GALK2: variants seen among roughly 807,000 people sequenced by gnomAD.
GALK2 encodes N-acetylgalactosamine kinase.
GALK2 carries 36 observed loss-of-function variants against 52.4 expected under a neutral mutation model. The ratio of observed to expected loss-of-function variants is 0.69; its 90% CI spans 0.53 to 0.91. GALK2 has a LOEUF of 0.91. GALK2 is among the 40% of genes least tolerant of loss of function. The pLI is 0.00. For missense variants in GALK2, 579 were observed against 559.1 expected, an observed-to-expected ratio of 1.04 and a Z score of -0.36; for synonymous variants, 176 against 199.1, an observed-to-expected ratio of 0.88 and a Z score of 0.98.
intron 5 of GALK2, among the ~76,000 whole-genome samples, chr15:49,261,725 AT>A (rs2092119534): frequency 6.6e-6 from 1 of 151,988 alleles, no homozygotes; most frequent in Admixed American, 6.6e-5. Flanking sequence ...AGCTCTTATT[AT>A]TTTGAAATAC....
chr15:49,268,885 A>C (rs1821038086), intron 5 of GALK2, among the ~76,000 whole-genome samples: 1 of 152,204 alleles, frequency 6.6e-6, no homozygotes, highest in African/African-American at 2.4e-5. Context: ...CCCTTCTACC[A>C]ATAGTGTGCT....
intron 1 of GALK2, among the ~76,000 whole-genome samples, chr15:49,198,728 G>T (rs977201558): frequency 6.6e-6 from 1 of 150,898 alleles, no homozygotes; most frequent in Non-Finnish European, 1.5e-5. Context: ...TTTTTAATAG[G>T]TGGACTTTTT....
At chr15:49,338,995 T>A (rs2040247549) in intron 3 of GALK2, among the ~76,000 whole-genome samples, 1 of 152,208 alleles carries the variant, frequency 6.6e-6, no homozygotes, top group Non-Finnish European at 1.5e-5. Flanking sequence ...CTTATGTTCT[T>A]CTCTAAACTG....
chr15:49,314,550 T>A (rs1342046337), intron 8 of GALK2, among the ~76,000 whole-genome samples: 1 of 152,242 alleles, frequency 6.6e-6, no homozygotes, highest in Non-Finnish European at 1.5e-5. Context: ...AGTGCAGTTT[T>A]GTTACAAGGA....
intron 7 of GALK2, among the ~76,000 whole-genome samples, chr15:49,286,035 C>G (rs935259302): frequency 6.6e-6 from 1 of 152,166 alleles, no homozygotes; most frequent in Non-Finnish European, 1.5e-5. Context: ...TCCTTCAGCC[C>G]TCTTTGAAGT....
At chr15:49,226,897 C>T (rs1379677887) in intron 3 of GALK2, among the ~76,000 whole-genome samples, 1 of 152,100 alleles carries the variant, frequency 6.6e-6, no homozygotes, top group East Asian at 1.9e-4. Context: ...ATCACAAGTT[C>T]CTCTTTTTAT....
Position 49,331,630 on chromosome 15 carries a change from G to A in GALK2, c.*3471G>A, listed in dbSNP as rs2038770424. 1 of 586,904 alleles carries A rather than the reference G, an allele frequency of 1.7e-6. No homozygotes were observed. The highest frequency in any genetic ancestry group is 3.0e-6 in the Non-Finnish European group (1 of 329,030). 36.4% of individuals were successfully genotyped at this position (586,904 alleles called of 1,614,324 possible). A position where few individuals can be genotyped will look rare whatever the true frequency, so the allele number is the denominator to read the frequency against. Reference sequence around the variant, plus strand: ...ATATGTAAAACAGATTTTCTTACATGTGCATGTAGATGATTAAGTAACAAG... The same window carrying A: ...ATATGTAAAACAGATTTTCTTACATATGCATGTAGATGATTAAGTAACAAG... On this transcript the variant is annotated 3_prime_UTR_variant, in exon 10 of 10. Transcript: ENST00000560031.
intron 9 of GALK2, among the ~76,000 whole-genome samples, chr15:49,324,211 T>A: frequency 6.6e-6 from 1 of 152,142 alleles, no homozygotes. Flanking sequence ...TTTTAGTGGA[T>A]CAACTATGAT....
Position 49,331,704 on chromosome 15 carries a change from C to A in GALK2, c.*3545C>A. 3.3e-6 allele frequency: 3 copies of A among 919,806 alleles called. No individual in the cohort carries two copies. Among genetic ancestry groups the A allele is most frequent in the Non-Finnish European group, 1.8e-6 (1 of 558,194 alleles). 57.0% of individuals were successfully genotyped at this position (919,806 alleles called of 1,614,324 possible). A position where few individuals can be genotyped will look rare whatever the true frequency, so the allele number is the denominator to read the frequency against. ...AATTTGGGTGTGCCACCATACATTGCTTATGAAATATTGTCCAGTCTATAT... is the reference window on the plus strand; with the variant it reads ...AATTTGGGTGTGCCACCATACATTGATTATGAAATATTGTCCAGTCTATAT... On this transcript the variant is annotated 3_prime_UTR_variant, in exon 10 of 10. Coordinates refer to ENST00000560031, the MANE Select transcript of GALK2 (RefSeq NM_002044.4).
exon 1 of GALK2, chr15:49,155,828 T>C: frequency 1.3e-6 from 1 of 761,594 alleles, no homozygotes; most frequent in Admixed American, 2.5e-5. Flanking sequence ...CGTCCGGTGC[T>C]GCAGGTCTCA....
intron 5 of GALK2, among the ~76,000 whole-genome samples, chr15:49,280,303 A>G (rs2032501049): frequency 1.3e-5 from 2 of 152,222 alleles, no homozygotes; most frequent in South Asian, 4.1e-4. Context: ...GTATGTATGC[A>G]TATGGGTGGT....
At chr15:49,199,935 T>G (rs1159165883) in intron 1 of GALK2, among the ~76,000 whole-genome samples, 1 of 152,236 alleles carries the variant, frequency 6.6e-6, no homozygotes, top group African/African-American at 2.4e-5. Flanking sequence ...AGAGACGAGC[T>G]TGAATAACTT....
At chr15:49,335,499 G>T, downstream of GALK2, 1 of 1,609,478 alleles carries the variant, frequency 6.2e-7, no homozygotes, top group Non-Finnish European at 8.5e-7. Flanking sequence ...CAGGTAGTGT[G>T]CTAGGCTTAT....
chr15:49,179,961 C>G (rs968400231), intron 1 of GALK2, among the ~76,000 whole-genome samples: 1 of 152,098 alleles, frequency 6.6e-6, no homozygotes, highest in East Asian at 1.9e-4. Flanking sequence ...CACTTCAGTT[C>G]TTTCTGTTCT....
At chr15:49,354,381 G>A (rs960782043) in intron 3 of GALK2, among the ~76,000 whole-genome samples, 2 of 152,186 alleles carry the variant, frequency 1.3e-5, no homozygotes, top group Non-Finnish European at 2.9e-5. Context: ...GCAGGTCAGT[G>A]GGTGCGCGCA....
intron 4 of GALK2, among the ~76,000 whole-genome samples, 187 bp downstream of exon 4, chr15:49,236,128 C>A (rs1186883858): frequency 6.6e-6 from 1 of 152,082 alleles, no homozygotes; most frequent in African/African-American, 2.4e-5. Context: ...TCACAGGGGG[C>A]AGTAGTGGTT....
At chr15:49,262,725 TAC>T (rs1351264777) in intron 5 of GALK2, among the ~76,000 whole-genome samples, 2 of 146,140 alleles carry the variant, frequency 1.4e-5, no homozygotes, top group African/African-American at 5.2e-5. Context: ...AATTTCCCTC[TAC>T]ACACTGCTTT....
In GALK2 at chr15:49,281,997, C is replaced by G. The variant is rs776691679; in HGVS notation, c.515C>G (p.Ala172Gly). ...TTTTTACCTTTCCAGGTGGAACTTG[C>G]AGAAATCTGTGCCAAGAGTGAGCGT... Reference protein sequence around the residue: ...LGRNLSKVELAEICAKSERYI... With the variant: ...LGRNLSKVELGEICAKSERYI... Residue 172 changes from alanine (A) to glycine (G), a missense_variant, in exon 6 of 10, where the codon GCA becomes GGA. Coordinates refer to ENST00000560031, the MANE Select transcript of GALK2 (RefSeq NM_002044.4). 2.5e-6 allele frequency: 4 copies of G among 1,612,340 alleles called. No individual in the cohort carries two copies. Among genetic ancestry groups the G allele is most frequent in the Middle Eastern group, 3.3e-4 (2 of 6,054 alleles).
chr15:49,208,068 G>A (rs151229323), intron 2 of GALK2, among the ~76,000 whole-genome samples: 18 of 152,116 alleles, frequency 1.2e-4, no homozygotes, highest in East Asian at 5.8e-4. Context: ...TCACTGCGCC[G>A]GCCCAATTTT....
Sources: gnomAD v4.1 joint callset for allele counts (sites outside exome capture counted in the v4.1 genomes callset) on GRCh38, gnomAD v4.1.1 for gene constraint, MANE v1.5 for transcripts, NCBI Gene and HGNC (gene_info 2026-07-23, HGNC 2026-07-21) for gene names.